The following ASIC2 variants were observed in gnomAD, a reference collection of about 807,000 sequenced individuals.
ASIC2 encodes acid-sensing ion channel 2.
A neutral mutation model predicts 57.3 loss-of-function variants in ASIC2; 25 were observed. That is an observed-to-expected ratio of 0.44 (90% CI 0.32 to 0.61). ASIC2 has a LOEUF of 0.61. Ranked by LOEUF, ASIC2 falls within the 20% of genes least tolerant of loss-of-function variation. The pLI, the probability that ASIC2 is intolerant of heterozygous loss-of-function variation, is 0.06. For missense variants in ASIC2, 641 were observed against 738.1 expected (o/e 0.87, Z 1.52); for synonymous variants, 319 against 307.5 (o/e 1.04, Z -0.39).
At chr17:33,865,497 C>T (rs993435586) in intron 1 of ASIC2, among the ~76,000 whole-genome samples, 2 of 152,120 alleles carry the variant, frequency 1.3e-5, no homozygotes, top group South Asian at 4.1e-4. Flanking sequence ...CAGAATTTTC[C>T]AGTCATAAGC....
Position 33,883,462 on chromosome 17 carries a change from A to T in ASIC2, c.555+272516T>A, listed in dbSNP as rs540612574. On this transcript the variant is annotated intron_variant, in intron 1 of 9. Transcript: ENST00000359872. The stretch of plus-strand genomic sequence containing the variant: ...TAGAAGATTGAGTCAAAGCAAATGG[A>T]TCTGTAGACTCATCAGATACAGAAA... Among the ~76,000 whole-genome samples the T allele has an allele frequency of 4.6e-5, 7 of 152,248 alleles. No homozygotes were observed. In the South Asian group the frequency reaches 1.5e-3, roughly 32 times the overall value.
At chr17:34,052,067 T>A (rs1325024580) in intron 1 of ASIC2, among the ~76,000 whole-genome samples, 1 of 152,188 alleles carries the variant, frequency 6.6e-6, no homozygotes, top group African/African-American at 2.4e-5. Flanking sequence ...ATTCATCCAC[T>A]CTTTCATCCA....
chr17:33,550,246 C>T (rs79283232), intron 1 of ASIC2, among the ~76,000 whole-genome samples: 6 of 152,262 alleles, frequency 3.9e-5, no homozygotes, highest in East Asian at 1.9e-4. Flanking sequence ...AATACCGGAA[C>T]GATCTCAAGC....
chr17:33,820,685 T>C (rs1912716160), intron 1 of ASIC2, among the ~76,000 whole-genome samples: 1 of 152,216 alleles, frequency 6.6e-6, no homozygotes, highest in Non-Finnish European at 1.5e-5. Context: ...ATAATTTCAC[T>C]TTTTAAAAAA....
intron 1 of ASIC2, among the ~76,000 whole-genome samples, chr17:33,601,171 G>A (rs1905107599): frequency 1.3e-5 from 2 of 152,168 alleles, no homozygotes; most frequent in Admixed American, 6.5e-5. Flanking sequence ...GAATGAAAGA[G>A]TATGTTTAGG....
At chr17:33,474,414 G>A (rs1320905807) in intron 1 of ASIC2, among the ~76,000 whole-genome samples, 4 of 152,150 alleles carry the variant, frequency 2.6e-5, no homozygotes, top group Non-Finnish European at 4.4e-5. Context: ...CATACTAAGA[G>A]TAAGGTAATT....
chr17:33,861,474 A>C (rs1914099925), intron 1 of ASIC2, among the ~76,000 whole-genome samples: 1 of 152,314 alleles, frequency 6.6e-6, no homozygotes, highest in Non-Finnish European at 1.5e-5. Flanking sequence ...CATTCTAAAC[A>C]TGAGAAGACT....
At chr17:33,725,192 G>A (rs1464998553) in intron 1 of ASIC2, among the ~76,000 whole-genome samples, 1 of 152,240 alleles carries the variant, frequency 6.6e-6, no homozygotes, top group Non-Finnish European at 1.5e-5. Flanking sequence ...CCTGCAGGTG[G>A]ATGACTGTCA....
At chr17:33,884,943 A>T (rs1245365731) in intron 1 of ASIC2, among the ~76,000 whole-genome samples, 1 of 152,224 alleles carries the variant, frequency 6.6e-6, no homozygotes, top group Admixed American at 6.5e-5. Context: ...AAGCACAGGG[A>T]AACAGGACTG....
chr17:33,068,513 G>T (rs1279620777), intron 3 of ASIC2, among the ~76,000 whole-genome samples: 1 of 138,792 alleles, frequency 7.2e-6, no homozygotes, highest in East Asian at 2.2e-4. Flanking sequence ...TGGGCAACAA[G>T]AGCGAAACTC....
intron 1 of ASIC2, among the ~76,000 whole-genome samples, chr17:33,597,772 G>A (rs1262073244): frequency 1.3e-5 from 2 of 152,176 alleles, no homozygotes; most frequent in Non-Finnish European, 2.9e-5. Flanking sequence ...ATCCCACAGG[G>A]CCACACAGCA....
chr17:33,070,525 A>G (rs769627723), intron 3 of ASIC2, among the ~76,000 whole-genome samples: 1 of 152,002 alleles, frequency 6.6e-6, no homozygotes, highest in Non-Finnish European at 1.5e-5. Context: ...TTTAGTAGAG[A>G]CAGGGTTTCA....
At chr17:33,518,876 A>G (rs1337119576) in intron 1 of ASIC2, among the ~76,000 whole-genome samples, 2 of 151,734 alleles carry the variant, frequency 1.3e-5, no homozygotes, top group Non-Finnish European at 2.9e-5. Context: ...GCTGGAGTAC[A>G]GTGGCGTGAT....
intron 1 of ASIC2, among the ~76,000 whole-genome samples, chr17:33,371,501 A>G (rs1386348456): frequency 6.6e-6 from 1 of 152,208 alleles, no homozygotes; most frequent in Non-Finnish European, 1.5e-5. Flanking sequence ...TGGGAATCTT[A>G]CTAAAACCTT....
intron 1 of ASIC2, among the ~76,000 whole-genome samples, chr17:33,956,841 C>T (rs1904750186): frequency 6.6e-6 from 1 of 152,184 alleles, no homozygotes; most frequent in Non-Finnish European, 1.5e-5. Flanking sequence ...TGAGCCTGCT[C>T]CTTTTGGTTC....
At chr17:33,639,466 C>T (rs1244797716) in intron 1 of ASIC2, among the ~76,000 whole-genome samples, 1 of 152,118 alleles carries the variant, frequency 6.6e-6, no homozygotes, top group African/African-American at 2.4e-5. Flanking sequence ...GTTTATCTTA[C>T]ACCCACTGTG....
intron 1 of ASIC2, among the ~76,000 whole-genome samples, chr17:33,760,849 G>A (rs1369083906): frequency 6.6e-6 from 1 of 152,072 alleles, no homozygotes; most frequent in African/African-American, 2.4e-5. Context: ...ATTTAAGAGT[G>A]GTCCTGTCCC....
chr17:34,091,476 T>C (rs1407421735), intron 1 of ASIC2, among the ~76,000 whole-genome samples: 2 of 152,210 alleles, frequency 1.3e-5, no homozygotes, highest in African/African-American at 2.4e-5. Context: ...AGTTAGGGGT[T>C]ACCCGGCATC....
chr17:33,677,286 C>G, intron 1 of ASIC2, among the ~76,000 whole-genome samples: 1 of 152,178 alleles, frequency 6.6e-6, no homozygotes, highest in Non-Finnish European at 1.5e-5. Flanking sequence ...CAGGGTAACT[C>G]TTTTGTTAGA....
Sources: allele counts gnomAD v4.1 joint callset (sites outside exome capture counted in the v4.1 genomes callset), GRCh38; gene constraint gnomAD v4.1.1; transcripts MANE v1.5; gene names NCBI Gene and HGNC (gene_info 2026-07-23, HGNC 2026-07-21).